PCDH15: variants seen among roughly 807,000 people sequenced by gnomAD.
PCDH15 encodes protocadherin related 15.
In PCDH15, 129 loss-of-function variants were observed where a neutral mutation model predicts 178.5. The ratio of observed to expected loss-of-function variants is 0.72; its 90% CI spans 0.63 to 0.84. The LOEUF (loss-of-function observed/expected upper bound fraction) is 0.84. Among genes scored for constraint, PCDH15 ranks in the 40% least tolerant of loss-of-function variants. The pLI, the probability that PCDH15 is intolerant of heterozygous loss-of-function variation, is 0.00. For missense variants in PCDH15, 2,230 were observed against 2,099.9 expected (o/e 1.06, Z -1.21); for synonymous variants, 800 against 732.0 (o/e 1.09, Z -1.50).
intron 2 of PCDH15, among the ~76,000 whole-genome samples, chr10:54,970,100 A>C (rs975983297): frequency 3.3e-5 from 5 of 152,180 alleles, no homozygotes; most frequent in Admixed American, 3.3e-4. Flanking sequence ...TTAGTACCTG[A>C]AGAGAATTAG....
chr10:55,446,982 G>A (rs929270359), intron 2 of PCDH15, among the ~76,000 whole-genome samples: 1 of 151,864 alleles, frequency 6.6e-6, no homozygotes, highest in Non-Finnish European at 1.5e-5. Context: ...CAGAAATACA[G>A]AGAGACAGAT....
chr10:54,655,292 G>GAGAGAGAGACAGAC (rs1555126787), intron 2 of PCDH15, among the ~76,000 whole-genome samples: 1 of 121,096 alleles, frequency 8.3e-6, no homozygotes, highest in Non-Finnish European at 1.8e-5. Context: ...GAGAGAGAGA[G>GAGAGAGAGACAGAC]AGAGAGAGAG....
intron 3 of PCDH15, among the ~76,000 whole-genome samples, chr10:54,473,972 T>G (rs2078096771): frequency 6.6e-6 from 1 of 151,862 alleles, no homozygotes; most frequent in African/African-American, 2.4e-5. Flanking sequence ...AACAATAATT[T>G]GCAAGCTTGC....
At chr10:54,528,674 A>T (rs913983289) in intron 2 of PCDH15, among the ~76,000 whole-genome samples, 5 of 152,080 alleles carry the variant, frequency 3.3e-5, no homozygotes, top group African/African-American at 1.2e-4. Context: ...AACATAAAGT[A>T]AATTGGTATT....
chr10:54,841,742 AGTTT>A (rs1194797957), intron 3 of PCDH15, among the ~76,000 whole-genome samples: 1 of 151,818 alleles, frequency 6.6e-6, no homozygotes, highest in African/African-American at 2.4e-5. Flanking sequence ...ATTTGCATTC[AGTTT>A]GTTTTCTAAA....
At chr10:55,005,142 T>C (rs10740604) in intron 2 of PCDH15, among the ~76,000 whole-genome samples, 110,082 of 150,178 alleles carry the variant, frequency 0.73, 40,474 homozygotes, top group East Asian at 0.87. Context: ...AAAGCTGAAA[T>C]GGCAGGACTT....
At chr10:54,353,021 G>T (rs899567022) in intron 5 of PCDH15, among the ~76,000 whole-genome samples, 9 of 152,056 alleles carry the variant, frequency 5.9e-5, no homozygotes, top group Non-Finnish European at 7.4e-5. Context: ...AGTTGATTTT[G>T]TAAACAGGCA....
chr10:54,403,838 C>T (rs4582877), intron 3 of PCDH15, among the ~76,000 whole-genome samples: 150,572 of 151,970 alleles, frequency 0.99, 74,610 homozygotes, highest in Middle Eastern at 1. Flanking sequence ...CCATTCATAA[C>T]TGCCACACAC....
chr10:54,548,087 C>A (rs1420186089), intron 2 of PCDH15, among the ~76,000 whole-genome samples: 4 of 138,732 alleles, frequency 2.9e-5, no homozygotes, highest in African/African-American at 8.0e-5. Flanking sequence ...GGCGACAGAG[C>A]GAGACTCTGT....
Position 54,092,042 on chromosome 10 carries a change from C to G in PCDH15, c.1918-1979G>C, listed in dbSNP as rs377557032. Among the ~76,000 whole-genome samples, 129 of 152,254 alleles carry G rather than the reference C, an allele frequency of 8.5e-4. 1 individual carries two copies. Among genetic ancestry groups the G allele is most frequent in the African/African-American group, 2.9e-3 (122 of 41,552 alleles). On this transcript the variant is annotated intron_variant, in intron 15 of 37. Coordinates refer to ENST00000644397, the MANE Select transcript of PCDH15 (RefSeq NM_001384140.1). ...AAGGTTAAAAGCCCCAAATCTAGAT[C>G]TCCTTTCCATCTTGACGTACCTCAA...
At chr10:55,209,872 T>C (rs1840514534) in intron 1 of PCDH15, among the ~76,000 whole-genome samples, 1 of 152,088 alleles carries the variant, frequency 6.6e-6, no homozygotes, top group African/African-American at 2.4e-5. Flanking sequence ...TTCATGCATA[T>C]GTTGTTGGTA....
At chr10:54,896,596 T>TA (rs71014427) in intron 3 of PCDH15, among the ~76,000 whole-genome samples, 34,689 of 151,952 alleles carry the variant, frequency 0.23, 4,577 homozygotes, top group Non-Finnish European at 0.29. Flanking sequence ...GATGTTTTTT[T>TA]AAAAAATGTT....
intron 25 of PCDH15, among the ~76,000 whole-genome samples, chr10:53,923,255 T>C (rs2084165694): frequency 6.6e-6 from 1 of 152,190 alleles, no homozygotes; most frequent in East Asian, 1.9e-4. Context: ...TAATTATTTT[T>C]AAGATATTAC....
chr10:55,137,266 T>A (rs1477722614), intron 2 of PCDH15, among the ~76,000 whole-genome samples: 1 of 152,196 alleles, frequency 6.6e-6, no homozygotes, highest in Non-Finnish European at 1.5e-5. Flanking sequence ...TTTGCCATAT[T>A]TTTACTGTAC....
intron 9 of PCDH15, among the ~76,000 whole-genome samples, chr10:54,231,124 G>T (rs1414434756): frequency 6.6e-6 from 1 of 152,190 alleles, no homozygotes; most frequent in African/African-American, 2.4e-5. Flanking sequence ...TTCATGGCAG[G>T]TTTCTCCACC....
intron 3 of PCDH15, among the ~76,000 whole-genome samples, chr10:54,391,969 T>A (rs1285156724): frequency 6.6e-6 from 1 of 152,174 alleles, no homozygotes; most frequent in Non-Finnish European, 1.5e-5. Flanking sequence ...GTGATTGGCT[T>A]AGGAAAGCAA....
intron 2 of PCDH15, among the ~76,000 whole-genome samples, chr10:54,925,680 T>C (rs1837603966): frequency 6.6e-6 from 1 of 152,148 alleles, no homozygotes; most frequent in South Asian, 2.1e-4. Context: ...GCTGTATTCC[T>C]AGATATTTCA....
chr10:55,490,136 A>G (rs1840380309), intron 2 of PCDH15, among the ~76,000 whole-genome samples: 1 of 151,712 alleles, frequency 6.6e-6, no homozygotes, highest in South Asian at 2.1e-4. Flanking sequence ...AAATAAACAG[A>G]AAGTGTTCTA....
At chr10:54,312,147 T>C (rs2133520816) in intron 8 of PCDH15, among the ~76,000 whole-genome samples, 1 of 152,146 alleles carries the variant, frequency 6.6e-6, no homozygotes, top group South Asian at 2.1e-4. Context: ...GAGAGCAAGA[T>C]CTTATTGAAA....
Sources: allele counts gnomAD v4.1 joint callset (sites outside exome capture counted in the v4.1 genomes callset), GRCh38; gene constraint gnomAD v4.1.1; transcripts MANE v1.5; gene names NCBI Gene and HGNC (gene_info 2026-07-23, HGNC 2026-07-21).